Variants in DNAH5 observed in about 807,000 individuals in gnomAD.
DNAH5 encodes the protein dynein axonemal heavy chain 5, also known as axonemal beta dynein heavy chain 5.
DNAH5 carries 372 observed loss-of-function variants against 518.2 expected under a neutral mutation model. That is an observed-to-expected ratio of 0.72 (90% confidence interval 0.66 to 0.78). DNAH5 has a LOEUF of 0.78. DNAH5 is among the 30% of genes least tolerant of loss of function. DNAH5 has a pLI of 0.00. For synonymous variants in DNAH5, 2,039 were observed against 2,025.9 expected, an observed-to-expected ratio of 1.01 and a Z score of -0.17; for missense variants, 5,523 against 5,687.0, an observed-to-expected ratio of 0.97 and a Z score of 0.93.
At chr5:13,925,032 T>C (rs1777719288) in intron 3 of DNAH5, among the ~76,000 whole-genome samples, 2 of 152,146 alleles carry the variant, frequency 1.3e-5, no homozygotes, top group African/African-American at 2.4e-5. Context: ...AATCCTGGGA[T>C]TGGAACCTCT....
At chr5:13,807,798 A>G (rs1759872456) in intron 46 of DNAH5, 73 bp from the exon 47 acceptor site, 1 of 1,320,900 alleles carries the variant, frequency 7.6e-7, no homozygotes. Context: ...TCCCCCCAAA[A>G]TTCATATGCT....
At chr5:13,796,050 C>T (rs1040052662) in intron 47 of DNAH5, among the ~76,000 whole-genome samples, 2 of 152,140 alleles carry the variant, frequency 1.3e-5, no homozygotes, top group African/African-American at 4.8e-5. Flanking sequence ...GAACGTATCT[C>T]AAAATAATAA....
chr5:13,799,920 TAC>T (rs1758471469), intron 47 of DNAH5, among the ~76,000 whole-genome samples: 2 of 152,210 alleles, frequency 1.3e-5, no homozygotes, highest in Admixed American at 1.3e-4. Context: ...TATGTTTACT[TAC>T]ATTTTATTTT....
Position 13,811,507 on chromosome 5 carries a change from C to A in DNAH5, c.7407+140G>T, listed in dbSNP as rs186196224. The A allele has an allele frequency of 1.1e-4, 85 of 767,216 alleles. 1 individual carries two copies. Among genetic ancestry groups the A allele is most frequent in the African/African-American group, 1.0e-3 (58 of 57,158 alleles). 47.5% of individuals were successfully genotyped at this position (767,216 alleles called of 1,614,324 possible). A position where few individuals can be genotyped will look rare whatever the true frequency, so the allele number is the denominator to read the frequency against. On this transcript the variant is annotated intron_variant, in intron 44 of 78. Transcript: ENST00000265104. ...TGTTTGAAATATTCCCCCTCCCCAA[C>A]AGCTCTAACCAAATCTAATTTCAAA...
At chr5:13,717,638 G>A in intron 72 of DNAH5, 118 bp from the exon 73 acceptor site, 2 of 899,794 alleles carry the variant, frequency 2.2e-6, no homozygotes, top group South Asian at 2.9e-5. Context: ...ACTTTGGATT[G>A]TTTTTATGAC....
At chr5:13,886,417 G>A (rs575761503) in intron 17 of DNAH5, among the ~76,000 whole-genome samples, 8 of 152,254 alleles carry the variant, frequency 5.3e-5, no homozygotes, top group African/African-American at 7.2e-5. Context: ...CTCTCTACTC[G>A]TCACATTTCC....
At position 13,830,734 on chromosome 5, in the gene DNAH5, C is replaced by A; in HGVS notation, c.5924G>T (p.Gly1975Val). 6.2e-7 allele frequency: 1 copy of A among 1,614,192 alleles called. No homozygotes were observed. The highest frequency in any genetic ancestry group is 8.5e-7 in the Non-Finnish European group (1 of 1,180,032). The change falls in exon 36 of 79, where the codon GGG becomes GTG. Residue 1975 changes from glycine to valine, a missense_variant. By Grantham distance (109) the Gly-to-Val change is moderately radical. Around this residue, in one of 3 missense-constraint regions of DNAH5, gnomAD observed 5,121 missense variants for 5,223.3 expected, o/e 0.98. Transcript: ENST00000265104. Reference sequence around the variant, plus strand: ...GCCTGCAGGTCCAGCAGGGGCTCCCCCCATGCTCATTCCCAGAGCTTGAGC... The same window carrying A: ...GCCTGCAGGTCCAGCAGGGGCTCCCACCATGCTCATTCCCAGAGCTTGAGC... ...TLAQALGMSM[G>V]GAPAGPAGTG...
intron 15 of DNAH5, chr5:13,898,923 T>C (rs188792296): frequency 6.5e-5 from 17 of 262,954 alleles, no homozygotes; most frequent in Admixed American, 5.9e-4. Context: ...GCTTCCTTTT[T>C]TTGTTGTTTT....
At position 13,839,490 on chromosome 5, in the gene DNAH5, C is replaced by T; in HGVS notation, c.5748G>A (p.Trp1916Ter). ...TAAAGTAAAATCTGCACTGTTTCAG[C>T]CACTCAAAGTCCATGGGACTCTTGA... ...MHIKSPMDFEWLKQCRFYFNE... is the reference protein window; with the variant it reads ...MHIKSPMDFE The change falls in exon 35 of 79, where the codon TGG (tryptophan) becomes TGA (stop). Residue 1916 changes from tryptophan (W) to a stop codon, truncating the protein, a stop_gained. Coordinates refer to ENST00000265104, the MANE Select transcript of DNAH5 (RefSeq NM_001369.3). LOFTEE classifies it high-confidence loss of function. 1 of 1,614,002 alleles carries T rather than the reference C, an allele frequency of 6.2e-7. No homozygotes were observed. The highest frequency in any genetic ancestry group is 8.5e-7 in the Non-Finnish European group (1 of 1,179,924).
intron 55 of DNAH5, among the ~76,000 whole-genome samples, chr5:13,775,759 C>T (rs60736130): frequency 0.33 from 50,799 of 151,822 alleles, 8,641 homozygotes; most frequent in Non-Finnish European, 0.37. Context: ...ATGCTTCCTC[C>T]GGCAACCCCC....
intron 32 of DNAH5, among the ~76,000 whole-genome samples, chr5:13,844,295 T>A (rs1484913734): frequency 6.6e-6 from 1 of 152,084 alleles, no homozygotes; most frequent in Non-Finnish European, 1.5e-5. Flanking sequence ...ACAAGAAGAG[T>A]CACTTTCCTA....
In DNAH5 at chr5:13,691,103, C is replaced by T. The variant is rs142535984; in HGVS notation, c.*881G>A. On this transcript the variant is annotated 3_prime_UTR_variant, in exon 79 of 79. Transcript: ENST00000265104. ...TATCTCTTAATTTCCTTAACCATAGCCTGACTATTGAATATTTATGATTTT... is the reference window on the plus strand; with the variant it reads ...TATCTCTTAATTTCCTTAACCATAGTCTGACTATTGAATATTTATGATTTT... 2.0e-5 allele frequency: 3 copies of T among 152,206 alleles called. No individual in the cohort carries two copies. The highest frequency in any genetic ancestry group is 4.8e-5 in the African/African-American group (2 of 41,530). 9.4% of individuals were successfully genotyped at this position (152,206 alleles called of 1,614,324 possible).
At chr5:13,823,111 C>A in intron 40 of DNAH5, 152 bp downstream of exon 40, 1 of 732,206 alleles carries the variant, frequency 1.4e-6, no homozygotes, top group Non-Finnish European at 2.5e-6. Flanking sequence ...TCGTGGTGTG[C>A]ATTGGCCTCC....
In DNAH5 at chr5:13,734,257, G is replaced by C. The variant is rs547857148; in HGVS notation, c.11761+874C>G. 2.0e-5 allele frequency among the ~76,000 whole-genome samples: 3 copies of C among 152,320 alleles called. No homozygotes were observed. In the South Asian group the frequency reaches 6.2e-4, roughly 32 times the overall value. On this transcript the variant is annotated intron_variant, in intron 68 of 78. Transcript: ENST00000265104. Reference sequence around the variant, plus strand: ...ACTAGAATCCACTGTGCTGCACCCTGATCTGGGACTTCCAACTTCTAGAAC... The same window carrying C: ...ACTAGAATCCACTGTGCTGCACCCTCATCTGGGACTTCCAACTTCTAGAAC...
chr5:13,935,234 C>T (rs1262594437), intron 1 of DNAH5, among the ~76,000 whole-genome samples: 1 of 152,110 alleles, frequency 6.6e-6, no homozygotes, highest in African/African-American at 2.4e-5. Context: ...CCAAAGAACA[C>T]AGAGATTTAA....
At chr5:13,994,445 C>G (rs922230026) in intron 1 of DNAH5, among the ~76,000 whole-genome samples, 7 of 152,168 alleles carry the variant, frequency 4.6e-5, no homozygotes, top group Non-Finnish European at 7.3e-5. Context: ...CTGTAAGCAA[C>G]TTACAGTCTT....
At chr5:13,888,170 T>C (rs1406812953) in intron 17 of DNAH5, among the ~76,000 whole-genome samples, 2 of 152,190 alleles carry the variant, frequency 1.3e-5, no homozygotes, top group African/African-American at 2.4e-5. Flanking sequence ...GCAATCATTC[T>C]CCTTTTATTC....
chr5:13,969,037 T>G (rs1781711667), intron 1 of DNAH5, among the ~76,000 whole-genome samples: 1 of 152,190 alleles, frequency 6.6e-6, no homozygotes, highest in Non-Finnish European at 1.5e-5. Context: ...CTTCCTGGTT[T>G]AATCTAAAAT....
At chr5:13,946,183 T>C (rs753447373), upstream of DNAH5, among the ~76,000 whole-genome samples, 3 of 152,214 alleles carry the variant, frequency 2.0e-5, no homozygotes, top group Admixed American at 2.0e-4. Flanking sequence ...GCTTCCCTAA[T>C]GGTATTTTAG....
Sources: gnomAD v4.1 joint callset for allele counts (sites outside exome capture counted in the v4.1 genomes callset) on GRCh38, gnomAD v4.1.1 for gene constraint, gnomAD v4.1.1 regional missense constraint, MANE v1.5 for transcripts, NCBI Gene and HGNC (gene_info 2026-07-23, HGNC 2026-07-21) for gene names.